The following GTF2B variants were observed in gnomAD, a reference collection of about 807,000 sequenced individuals.
GTF2B encodes the protein general transcription factor IIB, also known as transcription initiation factor IIB.
In GTF2B, 20 loss-of-function variants were observed where a neutral mutation model predicts 34.6. The observed-to-expected ratio is 0.58, with a 90% CI of 0.41 to 0.84. The LOEUF is 0.84. GTF2B is among the 40% of genes least tolerant of loss of function. The pLI is 0.00. For missense variants in GTF2B, 237 were observed against 393.3 expected (o/e 0.60, Z 3.36); for synonymous variants, 142 against 132.4 (o/e 1.07, Z -0.50).
intron 2 of GTF2B, among the ~76,000 whole-genome samples, chr1:88,886,111 A>G (rs927574828): frequency 1.3e-5 from 2 of 152,162 alleles, no homozygotes; most frequent in Admixed American, 1.3e-4. Flanking sequence ...TAGTAAACAT[A>G]TTAGCTATTA....
chr1:88,891,134 C>A (rs974811080), intron 1 of GTF2B, among the ~76,000 whole-genome samples: 2 of 1,592 alleles, frequency 1.3e-3, no homozygotes, highest in African/African-American at 2.9e-3. Context: ...GGGGGGGGCG[C>A]GGGGGAGGAG....
At chr1:88,882,313 A>G (rs1570735403) in intron 2 of GTF2B, among the ~76,000 whole-genome samples, 3 of 119,666 alleles carry the variant, frequency 2.5e-5, no homozygotes, top group East Asian at 4.3e-4. Flanking sequence ...CTCACTCCAA[A>G]AAAAAAAAAA....
chr1:88,866,293 G>A (rs1448908500), intron 2 of GTF2B, among the ~76,000 whole-genome samples: 1 of 152,196 alleles, frequency 6.6e-6, no homozygotes, highest in Non-Finnish European at 1.5e-5. Flanking sequence ...GGTTGAGGCT[G>A]CAGGGAGCCA....
At chr1:88,878,624 A>G (rs1293976989) in intron 2 of GTF2B, among the ~76,000 whole-genome samples, 1 of 152,242 alleles carries the variant, frequency 6.6e-6, no homozygotes, top group Non-Finnish European at 1.5e-5. Context: ...CCTCGTCAGT[A>G]TCAAGTTTAG....
At chr1:88,858,992 T>C (rs1249602203) in intron 5 of GTF2B, among the ~76,000 whole-genome samples, 1 of 151,792 alleles carries the variant, frequency 6.6e-6, no homozygotes, top group East Asian at 1.9e-4. Context: ...CTCAGCCTCC[T>C]GAGTAGCTGG....
chr1:88,887,642 T>C (rs1674107597), intron 1 of GTF2B: 2 of 361,868 alleles, frequency 5.5e-6, no homozygotes, highest in Non-Finnish European at 5.2e-6. Flanking sequence ...TCAATATGTA[T>C]GCCAGTAAGA....
At chr1:88,872,611 TAA>T (rs1415549766) in intron 2 of GTF2B, among the ~76,000 whole-genome samples, 1 of 152,132 alleles carries the variant, frequency 6.6e-6, no homozygotes, top group Non-Finnish European at 1.5e-5. Context: ...GCTAGGAATG[TAA>T]AGTTTTATTC....
intron 2 of GTF2B, among the ~76,000 whole-genome samples, chr1:88,871,931 C>G (rs927152842): frequency 6.6e-6 from 1 of 151,826 alleles, no homozygotes; most frequent in African/African-American, 2.4e-5. Context: ...CAGGGTTTCA[C>G]CACGTTGGCC....
At chr1:88,866,427 C>T (rs1394338512) in intron 2 of GTF2B, among the ~76,000 whole-genome samples, 1 of 151,812 alleles carries the variant, frequency 6.6e-6, no homozygotes, top group African/African-American at 2.4e-5. Flanking sequence ...TCCTTTTTTT[C>T]AGACAGGGTC....
At chr1:88,891,055 C>T (rs1674187080) in intron 1 of GTF2B, among the ~76,000 whole-genome samples, 1 of 135,298 alleles carries the variant, frequency 7.4e-6, no homozygotes, top group Admixed American at 8.8e-5. Flanking sequence ...AACTGTTTCC[C>T]GTTCCTTTGA....
At chr1:88,856,948 C>G (rs1476988727) in intron 6 of GTF2B, among the ~76,000 whole-genome samples, 1 of 151,844 alleles carries the variant, frequency 6.6e-6, no homozygotes, top group Non-Finnish European at 1.5e-5. Context: ...ATTACAAGCC[C>G]CACCACCACA....
chr1:88,879,314 C>T (rs893116211), intron 2 of GTF2B, among the ~76,000 whole-genome samples: 7 of 151,956 alleles, frequency 4.6e-5, no homozygotes, highest in African/African-American at 1.7e-4. Flanking sequence ...TATGGTGGCT[C>T]GTGCCTGTAA....
At chr1:88,859,159 C>T (rs1175619072) in intron 5 of GTF2B, among the ~76,000 whole-genome samples, 1 of 152,122 alleles carries the variant, frequency 6.6e-6, no homozygotes, top group African/African-American at 2.4e-5. Context: ...AGACACCATA[C>T]CTGGCCTTCA....
In GTF2B at chr1:88,859,872, A is replaced by G. The variant is rs746995415; in HGVS notation, c.535+10T>C. 4.4e-6 allele frequency: 7 copies of G among 1,608,660 alleles called. No individual in the cohort carries two copies. The South Asian group carries it at 7.7e-5, about 18-fold the overall frequency. On this transcript the variant is annotated intron_variant, in intron 5 of 6. Coordinates refer to ENST00000370500, the MANE Select transcript of GTF2B (RefSeq NM_001514.6). ...CAAACAAACACAAAAAAACAAAGCT[A>G]AAAACTTACCTTTAAATGTCCTAGG...
intron 2 of GTF2B, among the ~76,000 whole-genome samples, chr1:88,866,975 C>G (rs891844205): frequency 6.6e-6 from 1 of 152,130 alleles, no homozygotes; most frequent in African/African-American, 2.4e-5. Flanking sequence ...TTTCCTCTTC[C>G]TCATAATAAA....
intron 2 of GTF2B, among the ~76,000 whole-genome samples, chr1:88,865,067 G>C (rs1196603234): frequency 6.6e-6 from 1 of 152,162 alleles, no homozygotes; most frequent in Non-Finnish European, 1.5e-5. Context: ...TGTATACACA[G>C]CAAACAGAAA....
intron 2 of GTF2B, among the ~76,000 whole-genome samples, chr1:88,879,358 C>T (rs769884158): frequency 2.6e-5 from 4 of 151,824 alleles, no homozygotes; most frequent in Non-Finnish European, 4.4e-5. Flanking sequence ...GTGGGCAGAC[C>T]ACCTGAGGTT....
intron 3 of GTF2B, among the ~76,000 whole-genome samples, chr1:88,860,890 C>A (rs946075290): frequency 6.6e-6 from 1 of 152,106 alleles, no homozygotes; most frequent in Non-Finnish European, 1.5e-5. Flanking sequence ...GACAAAGGTA[C>A]CTCCTACTGC....
chr1:88,870,780 T>A (rs1673673594), intron 2 of GTF2B, among the ~76,000 whole-genome samples: 1 of 152,050 alleles, frequency 6.6e-6, no homozygotes, highest in Admixed American at 6.6e-5. Context: ...ACATTATGCA[T>A]ACAACTGAAA....
Sources: gnomAD v4.1 joint callset for allele counts (sites outside exome capture counted in the v4.1 genomes callset) on GRCh38, gnomAD v4.1.1 for gene constraint, MANE v1.5 for transcripts, NCBI Gene and HGNC (gene_info 2026-07-23, HGNC 2026-07-21) for gene names.